PPARGC1B: variants seen among roughly 807,000 people sequenced by gnomAD.
The protein encoded by PPARGC1B is peroxisome proliferator-activated receptor gamma coactivator 1-beta.
PPARGC1B carries 34 observed loss-of-function variants against 101.6 expected under a neutral mutation model. The ratio of observed to expected loss-of-function variants is 0.33; its 90% CI spans 0.25 to 0.45. The LOEUF is 0.45. PPARGC1B is among the 20% of genes least tolerant of loss of function. PPARGC1B has a pLI of 1.00. For missense variants in PPARGC1B, 1,234 were observed against 1,317.6 expected (o/e 0.94, Z 0.98); for synonymous variants, 548 against 539.3 (o/e 1.02, Z -0.22).
At chr5:149,737,622 C>T (rs1754769611) in intron 1 of PPARGC1B, among the ~76,000 whole-genome samples, 1 of 152,194 alleles carries the variant, frequency 6.6e-6, no homozygotes, top group Non-Finnish European at 1.5e-5. Context: ...TGCGATTTGC[C>T]AGCTTCGAGG....
At chr5:149,834,586 A>G (rs1758964159) in intron 5 of PPARGC1B, 88 bp from the exon 6 acceptor site, 3 of 1,184,372 alleles carry the variant, frequency 2.5e-6, no homozygotes, top group South Asian at 1.4e-5. Context: ...GCTTGGCACC[A>G]GTGGAGGCCT....
chr5:149,730,445 C>A lies in PPARGC1B; in HGVS notation c.78+25C>A, dbSNP rs998191300. The A allele has an allele frequency of 6.6e-7, 1 of 1,525,302 alleles. No homozygotes were observed. Among genetic ancestry groups the A allele is most frequent in the Admixed American group, 2.0e-5 (1 of 48,900 alleles). 94.5% of individuals were successfully genotyped at this position (1,525,302 alleles called of 1,614,324 possible). On this transcript the variant is annotated intron_variant, in intron 1 of 11. Coordinates refer to ENST00000309241, the MANE Select transcript of PPARGC1B (RefSeq NM_133263.4). This position sits in a 1 kb window ranked among gnomAD's most constrained non-coding sequence, Gnocchi z 4.0. ...GGTACGGCCGGCTGGGGCTGCGGGC[C>A]CGGGGCCAGGGGTGCTGAGCTGCGG...
intron 10 of PPARGC1B, among the ~76,000 whole-genome samples, chr5:149,844,866 T>G (rs973785849): frequency 6.6e-6 from 1 of 152,224 alleles, no homozygotes; most frequent in Non-Finnish European, 1.5e-5. Context: ...AAAGTTGGAA[T>G]AGAATTGACT....
intron 1 of PPARGC1B, chr5:149,732,929 C>G (rs976285223): frequency 3.5e-5 from 13 of 375,784 alleles, no homozygotes; most frequent in Non-Finnish European, 5.1e-5. Context: ...CTGGGTGACC[C>G]CGGAGCAAGC....
rs550180779 is a variant in PPARGC1B at position 149,769,140 on chromosome 5, C to T, written c.78+38720C>T. On this transcript the variant is annotated intron_variant, in intron 1 of 11. Transcript: ENST00000309241. Reference sequence around the variant, plus strand: ...AGGAGTGAACAATCTAGATCTCTTGCATGTGCAGTTCACAATAGGGGTTGT... The same window carrying T: ...AGGAGTGAACAATCTAGATCTCTTGTATGTGCAGTTCACAATAGGGGTTGT... Among the ~76,000 whole-genome samples the T allele has an allele frequency of 3.6e-4, 55 of 152,364 alleles. 1 individual carries two copies. The Middle Eastern group carries it at 0.014, about 38-fold the overall frequency.
intron 1 of PPARGC1B, among the ~76,000 whole-genome samples, chr5:149,765,057 A>G (rs1755856652): frequency 6.7e-6 from 1 of 149,942 alleles, no homozygotes; most frequent in South Asian, 2.1e-4. Context: ...ACCCAAACAC[A>G]CATGTCCTTT....
In PPARGC1B at chr5:149,773,212, T is replaced by C. The variant is rs1028545588; in HGVS notation, c.78+42792T>C. Among the ~76,000 whole-genome samples the C allele has an allele frequency of 2.6e-5, 4 of 152,260 alleles. 1 individual carries two copies. Among genetic ancestry groups the C allele is most frequent in the African/African-American group, 9.6e-5 (4 of 41,466 alleles). ...GTTCAGGTTGTGAGGCAAGGACTGC[T>C]GTGGTCGTGTCTTGTGCAGCCAGAT... On this transcript the variant is annotated intron_variant, in intron 1 of 11. Transcript: ENST00000309241.
chr5:149,805,172 C>T (rs1225650870), intron 1 of PPARGC1B, among the ~76,000 whole-genome samples: 2 of 152,224 alleles, frequency 1.3e-5, no homozygotes, highest in African/African-American at 4.8e-5. Context: ...TTCAAAGTCA[C>T]ATAGATAACA....
intron 1 of PPARGC1B, among the ~76,000 whole-genome samples, chr5:149,805,561 TCCCGA>T (rs956827618): frequency 9.9e-5 from 15 of 152,282 alleles, no homozygotes; most frequent in African/African-American, 3.4e-4. Flanking sequence ...TGCCTCTGCC[TCCCGA>T]ATAGCTGGGA....
At chr5:149,796,637 T>G (rs151235853) in intron 1 of PPARGC1B, among the ~76,000 whole-genome samples, 6 of 152,054 alleles carry the variant, frequency 3.9e-5, no homozygotes, top group Non-Finnish European at 8.8e-5. Flanking sequence ...TATGCACCAG[T>G]ATGGTGGCAG....
intron 1 of PPARGC1B, among the ~76,000 whole-genome samples, chr5:149,777,100 A>C (rs1244418313): frequency 6.6e-6 from 1 of 152,206 alleles, no homozygotes; most frequent in African/African-American, 2.4e-5. Context: ...TTAAGCAGCA[A>C]GGCGAGGCTA....
chr5:149,742,372 C>A (rs1754942698), intron 1 of PPARGC1B, among the ~76,000 whole-genome samples: 1 of 152,160 alleles, frequency 6.6e-6, no homozygotes, highest in Admixed American at 6.5e-5. Flanking sequence ...GCCCTTTTTG[C>A]TCTGCGATCC....
chr5:149,742,108 G>A (rs1754931347), intron 1 of PPARGC1B, among the ~76,000 whole-genome samples: 1 of 152,170 alleles, frequency 6.6e-6, no homozygotes, highest in Admixed American at 6.5e-5. Flanking sequence ...CTTCACATGT[G>A]TAATCACATT....
At chr5:149,835,237 G>A (rs1758997343) in intron 6 of PPARGC1B, 64 bp from the exon 7 acceptor site, 8 of 1,464,262 alleles carry the variant, frequency 5.5e-6, no homozygotes, top group Non-Finnish European at 7.7e-6. Flanking sequence ...CCTTTCATGG[G>A]CGGGGAGGTG....
At chr5:149,767,612 C>T (rs573159457) in intron 1 of PPARGC1B, among the ~76,000 whole-genome samples, 2 of 152,308 alleles carry the variant, frequency 1.3e-5, no homozygotes, top group Non-Finnish European at 2.9e-5. Flanking sequence ...GTAAGAAAGC[C>T]TGTCTTAACA....
Position 149,833,707 on chromosome 5 carries a change from T to C in PPARGC1B, c.1634T>C (p.Leu545Pro). ...CTACGGGGACCCCAGATCCCTGCCC[T>C]GGAGAGCCCCTGTGAGAGTGGGTGT... ...QLLRGPQIPA[L>P]ESPCESGCGD... The change falls in exon 5 of 12, where the codon CTG becomes CCG. Residue 545 changes from leucine (L) to proline (P), a missense_variant. Around this residue, in one of 3 missense-constraint regions of PPARGC1B, gnomAD observed 734 missense variants for 768.4 expected, o/e 0.96. Coordinates refer to ENST00000309241, the MANE Select transcript of PPARGC1B (RefSeq NM_133263.4). This position sits in a 1 kb window ranked among gnomAD's most constrained non-coding sequence, Gnocchi z 4.1. The C allele has an allele frequency of 6.2e-7, 1 of 1,605,380 alleles. No homozygotes were observed.
intron 1 of PPARGC1B, among the ~76,000 whole-genome samples, chr5:149,761,857 TG>T (rs559162246): frequency 1.6e-4 from 25 of 152,270 alleles, no homozygotes; most frequent in African/African-American, 5.5e-4. Flanking sequence ...TGTTATCCCG[TG>T]GACATGTGGA....
Position 149,848,381 on chromosome 5 carries a change from C to T in PPARGC1B, c.*823C>T, listed in dbSNP as rs560743283. 7 of 152,394 alleles carry T rather than the reference C, an allele frequency of 4.6e-5. No individual in the cohort carries two copies. The highest frequency in any genetic ancestry group is 1.9e-4 in the East Asian group (1 of 5,184). 9.4% of individuals were successfully genotyped at this position (152,394 alleles called of 1,614,324 possible). A position where few individuals can be genotyped will look rare whatever the true frequency, so the allele number is the denominator to read the frequency against. On this transcript the variant is annotated 3_prime_UTR_variant, in exon 12 of 12. Coordinates refer to ENST00000309241, the MANE Select transcript of PPARGC1B (RefSeq NM_133263.4). ...TGTTTTCCAGGGGAGGCTGGCAGCT[C>T]CTCAAGAGGCGAAATGACTGTGGGA...
At chr5:149,733,477 T>C (rs1257857509) in intron 1 of PPARGC1B, among the ~76,000 whole-genome samples, 2 of 152,248 alleles carry the variant, frequency 1.3e-5, no homozygotes, top group African/African-American at 4.8e-5. Flanking sequence ...TGCATCTGTG[T>C]GATACAACCA....
Sources: allele counts gnomAD v4.1 joint callset (sites outside exome capture counted in the v4.1 genomes callset), GRCh38; gene constraint gnomAD v4.1.1; regional missense constraint gnomAD v4.1.1; non-coding constraint Gnocchi (gnomAD v3.1); transcripts MANE v1.5; gene names NCBI Gene and HGNC (gene_info 2026-07-23, HGNC 2026-07-21).